The following VPS36 variants were observed in gnomAD, a reference collection of about 807,000 sequenced individuals.
VPS36 encodes the protein vacuolar protein-sorting-associated protein 36.
A neutral mutation model predicts 63.5 loss-of-function variants in VPS36; 31 were observed. The ratio of observed to expected loss-of-function variants is 0.49; its 90% CI spans 0.37 to 0.66. The LOEUF is 0.66. Ranked by LOEUF, VPS36 falls within the 30% of genes least tolerant of loss-of-function variation. The probability of loss-of-function intolerance (pLI) is 0.00; values close to 1 mark genes in which losing one functional copy is unlikely to be tolerated. For synonymous variants in VPS36, 138 were observed against 157.2 expected, an observed-to-expected ratio of 0.88 and a Z score of 0.91; for missense variants, 338 against 463.7, an observed-to-expected ratio of 0.73 and a Z score of 2.49.
At chr13:52,439,787 A>G (rs1345297770) in intron 2 of VPS36, among the ~76,000 whole-genome samples, 1 of 152,088 alleles carries the variant, frequency 6.6e-6, no homozygotes, top group Non-Finnish European at 1.5e-5. Flanking sequence ...CTATGAAAAC[A>G]TTTTACTCGT....
intron 6 of VPS36, among the ~76,000 whole-genome samples, chr13:52,432,884 C>T (rs1211275894): frequency 6.6e-6 from 1 of 152,188 alleles, no homozygotes; most frequent in Non-Finnish European, 1.5e-5. Flanking sequence ...ATTTAAATAA[C>T]TATTTGTAGT....
At position 52,427,188 on chromosome 13, in the gene VPS36, T is replaced by A; in HGVS notation, c.560A>T (p.Lys187Met). Reference sequence around the variant, plus strand: ...TTAATAGGCATAAATGACATATACCTTGATCATTAGTTTGCTGAGGTCTTC... The same window carrying A: ...TTAATAGGCATAAATGACATATACCATGATCATTAGTTTGCTGAGGTCTTC... ...AFEDLSKLMI[K>M]AKEMVELSKS... is the part of the protein sequence containing the mutation. Residue 187 changes from lysine to methionine, a missense_variant and splice_region_variant, in exon 7 of 14, where the codon AAG becomes ATG. Lys to Met is a moderately conservative substitution (Grantham distance 95). Transcript: ENST00000378060. 1 of 1,613,474 alleles carries A rather than the reference T, an allele frequency of 6.2e-7. No homozygotes were observed. Among genetic ancestry groups the A allele is most frequent in the Non-Finnish European group, 8.5e-7 (1 of 1,179,632 alleles).
At chr13:52,423,493 C>T (rs1958065520) in intron 10 of VPS36, 81 bp downstream of exon 10, 1 of 1,244,368 alleles carries the variant, frequency 8.0e-7, no homozygotes, top group Non-Finnish European at 1.2e-6. Flanking sequence ...ATATTCACAA[C>T]CCTTCCTCAA....
At chr13:52,419,021 C>T (rs1389423362) in intron 10 of VPS36, among the ~76,000 whole-genome samples, 1 of 152,264 alleles carries the variant, frequency 6.6e-6, no homozygotes, top group Non-Finnish European at 1.5e-5. Flanking sequence ...TTATCCCCTA[C>T]ACTAAAAGTA....
chr13:52,436,536 C>A lies in VPS36; in HGVS notation c.237-132G>T, dbSNP rs1455256719. The A allele has an allele frequency of 9.0e-6, 6 of 669,124 alleles. No individual in the cohort carries two copies. The South Asian group carries it at 1.2e-4, about 14-fold the overall frequency. 41.4% of individuals were successfully genotyped at this position (669,124 alleles called of 1,614,324 possible). A position where few individuals can be genotyped will look rare whatever the true frequency, so the allele number is the denominator to read the frequency against. The stretch of plus-strand genomic sequence containing the variant: ...AGAAACAAACATCCCAAAAAGCATC[C>A]TTTTAAAGTGTGTATTAATTCAATA... On this transcript the variant is annotated intron_variant, in intron 3 of 13. Coordinates refer to ENST00000378060, the MANE Select transcript of VPS36 (RefSeq NM_016075.4).
Position 52,415,234 on chromosome 13 carries a change from C to T in VPS36, c.*596G>A, listed in dbSNP as rs1388416025. 1 of 152,014 alleles carries T rather than the reference C, an allele frequency of 6.6e-6. No individual in the cohort carries two copies. Among genetic ancestry groups the T allele is most frequent in the Non-Finnish European group, 1.5e-5 (1 of 68,048 alleles). 9.4% of individuals were successfully genotyped at this position (152,014 alleles called of 1,614,324 possible). A position where few individuals can be genotyped will look rare whatever the true frequency, so the allele number is the denominator to read the frequency against. ...ATGACACAGTTGCATTCTTTAAATG[C>T]CAGTCATGAAATCATCACTTAAAAA... is the stretch of plus-strand genomic sequence containing the variant. On this transcript the variant is annotated 3_prime_UTR_variant, in exon 14 of 14. Transcript: ENST00000378060.
intron 1 of VPS36, among the ~76,000 whole-genome samples, chr13:52,445,109 T>C (rs1809044517): frequency 6.6e-6 from 1 of 152,158 alleles, no homozygotes; most frequent in African/African-American, 2.4e-5. Flanking sequence ...TCATGAGAGA[T>C]TGTCCCACCA....
chr13:52,450,614 C>T lies in VPS36; in HGVS notation c.-20G>A, dbSNP rs1054837195. 55 of 1,553,268 alleles carry T rather than the reference C, an allele frequency of 3.5e-5. No homozygotes were observed. Among genetic ancestry groups the T allele is most frequent in the Non-Finnish European group, 4.7e-5 (54 of 1,149,710 alleles). On this transcript the variant is annotated 5_prime_UTR_variant, in exon 1 of 14. Coordinates refer to ENST00000378060, the MANE Select transcript of VPS36 (RefSeq NM_016075.4). ...GTCCATGGCCGCTGCCACCCAGCCC[C>T]GGCCCTCCGAGGCCGCGAGCAGCGC...
chr13:52,432,134 G>A (rs1958164936), intron 6 of VPS36, among the ~76,000 whole-genome samples: 1 of 152,252 alleles, frequency 6.6e-6, no homozygotes, highest in African/African-American at 2.4e-5. Context: ...GGCGGATCAC[G>A]AGGTCAGAAG....
At chr13:52,423,424 T>C in intron 10 of VPS36, 150 bp downstream of exon 10, 1 of 511,134 alleles carries the variant, frequency 2.0e-6, no homozygotes, top group African/African-American at 2.0e-5. Flanking sequence ...AGAATCTACC[T>C]CCTAGATCCC....
At chr13:52,421,522 T>G (rs1191825948) in intron 10 of VPS36, among the ~76,000 whole-genome samples, 1 of 117,688 alleles carries the variant, frequency 8.5e-6, no homozygotes, top group Non-Finnish European at 1.9e-5. Context: ...TCTGAGTAGG[T>G]TTTTTTTTTT....
At chr13:52,441,566 C>A (rs1475833891) in intron 2 of VPS36, among the ~76,000 whole-genome samples, 2 of 152,276 alleles carry the variant, frequency 1.3e-5, no homozygotes, top group Middle Eastern at 6.8e-3. Flanking sequence ...GCCTGAACAA[C>A]TTGGCTAAAC....
Position 52,425,909 on chromosome 13 carries a change from A to C in VPS36, c.774+23T>G, listed in dbSNP as rs546200958. ...GGCTAATTTAACACAGTTTAAAAAA[A>C]AACACATAGGTTTAGTTTTTACCTC... On this transcript the variant is annotated intron_variant, in intron 9 of 13. Coordinates refer to ENST00000378060, the MANE Select transcript of VPS36 (RefSeq NM_016075.4). The C allele has an allele frequency of 7.5e-6, 12 of 1,594,714 alleles. No homozygotes were observed. The East Asian group carries it at 2.2e-4, about 30-fold the overall frequency.
intron 10 of VPS36, among the ~76,000 whole-genome samples, chr13:52,419,425 G>GA (rs1958024023): frequency 2.0e-5 from 3 of 152,164 alleles, no homozygotes; most frequent in African/African-American, 7.2e-5. Context: ...AATACAGAGA[G>GA]AAAATATTAG....
intron 9 of VPS36, 146 bp downstream of exon 9, chr13:52,425,786 C>T (rs545575157): frequency 1.3e-6 from 1 of 783,782 alleles, no homozygotes; most frequent in South Asian, 4.1e-5. Flanking sequence ...GCACAATGAA[C>T]TTATTTAATA....
intron 3 of VPS36, among the ~76,000 whole-genome samples, chr13:52,438,512 A>T (rs1958241790): frequency 6.6e-6 from 1 of 152,218 alleles, no homozygotes; most frequent in Non-Finnish European, 1.5e-5. Context: ...TCCCATGCCG[A>T]TAATATTTGT....
At position 52,417,278 on chromosome 13, in the gene VPS36, C is replaced by T. The variant is rs1379816202; in HGVS notation, c.906-137G>A. On this transcript the variant is annotated intron_variant, in intron 11 of 13. Transcript: ENST00000378060. ...AAACAAAACAACATTTAAAACATAT[C>T]AAACCCAAGCAACAATGGCATAAAC... 1.3e-5 allele frequency: 8 copies of T among 627,632 alleles called. 1 individual carries two copies. Among genetic ancestry groups the T allele is most frequent in the Non-Finnish European group, 2.2e-5 (8 of 359,112 alleles). 38.9% of individuals were successfully genotyped at this position (627,632 alleles called of 1,614,324 possible).
intron 10 of VPS36, among the ~76,000 whole-genome samples, chr13:52,420,353 G>C (rs1958034226): frequency 6.6e-6 from 1 of 151,450 alleles, no homozygotes; most frequent in Non-Finnish European, 1.5e-5. Flanking sequence ...TATTTTTTGA[G>C]ATGCAGTCTT....
chr13:52,448,328 G>A (rs763063727), intron 1 of VPS36, among the ~76,000 whole-genome samples: 9 of 152,220 alleles, frequency 5.9e-5, no homozygotes, highest in Non-Finnish European at 1.3e-4. Context: ...AGCACCACAG[G>A]AGGTCTGGAA....
Sources: gnomAD v4.1 joint callset for allele counts (sites outside exome capture counted in the v4.1 genomes callset) on GRCh38, gnomAD v4.1.1 for gene constraint, MANE v1.5 for transcripts, NCBI Gene and HGNC (gene_info 2026-07-23, HGNC 2026-07-21) for gene names.